Variants in CDK13 observed in about 807,000 individuals in gnomAD.
CDK13 encodes cyclin dependent kinase 13.
A neutral mutation model predicts 137.6 loss-of-function variants in CDK13; 40 were observed. The ratio of observed to expected loss-of-function variants is 0.29; its 90% CI spans 0.23 to 0.38. The LOEUF (loss-of-function observed/expected upper bound fraction) is 0.38. Among genes scored for constraint, CDK13 ranks in the 10% least tolerant of loss-of-function variants. The pLI is 1.00. For missense variants in CDK13, 1,704 were observed against 1,951.8 expected, an observed-to-expected ratio of 0.87 and a Z score of 2.39; for synonymous variants, 869 against 760.1, an observed-to-expected ratio of 1.14 and a Z score of -2.36.
At chr7:40,042,643 GT>G (rs975170221) in intron 5 of CDK13, among the ~76,000 whole-genome samples, 1 of 143,056 alleles carries the variant, frequency 7.0e-6, no homozygotes, top group Non-Finnish European at 1.5e-5. Context: ...ACATCCAGCT[GT>G]TTTTTTTGTA....
chr7:40,012,911 CA>C (rs61228761), intron 5 of CDK13, among the ~76,000 whole-genome samples: 54,426 of 120,454 alleles, frequency 0.45, 9,946 homozygotes, highest in Middle Eastern at 0.59. Context: ...GACTCTGTGT[CA>C]AAAAAAAAAA....
At chr7:40,056,559 T>C (rs1015618215) in intron 7 of CDK13, among the ~76,000 whole-genome samples, 1 of 152,204 alleles carries the variant, frequency 6.6e-6, no homozygotes, top group Non-Finnish European at 1.5e-5. Context: ...ATGGAAGCAA[T>C]GTGTACTATA....
rs1787025711 is a variant in CDK13 at position 40,095,353 on chromosome 7, C to T, written c.*373C>T. On this transcript the variant is annotated 3_prime_UTR_variant, in exon 14 of 14. Coordinates refer to ENST00000181839, the MANE Select transcript of CDK13 (RefSeq NM_003718.5). ...GGACCAACTTTTATGTAACAAACAG[C>T]CCCTCCCCACCTCCAGTTTTACAAC... 1.3e-5 allele frequency: 2 copies of T among 155,716 alleles called. No homozygotes were observed. Among genetic ancestry groups the T allele is most frequent in the African/African-American group, 2.4e-5 (1 of 41,580 alleles). The allele number at this position is 155,716 out of a possible 1,614,324, so 9.6% of individuals were successfully genotyped here. A position where few individuals can be genotyped will look rare whatever the true frequency, so the allele number is the denominator to read the frequency against.
At chr7:40,033,395 C>T (rs1013350146) in intron 5 of CDK13, among the ~76,000 whole-genome samples, 3 of 152,164 alleles carry the variant, frequency 2.0e-5, no homozygotes, top group African/African-American at 7.2e-5. Context: ...AGTATTTCTG[C>T]TATATCTGAG....
chr7:40,055,896 T>G (rs1019846772), intron 7 of CDK13, among the ~76,000 whole-genome samples: 1 of 152,172 alleles, frequency 6.6e-6, no homozygotes, highest in Non-Finnish European at 1.5e-5. Flanking sequence ...TTTCTTTTAT[T>G]TGTCTGTCTT....
chr7:40,060,600 T>C (rs986664763), intron 7 of CDK13, among the ~76,000 whole-genome samples: 1 of 152,146 alleles, frequency 6.6e-6, no homozygotes, highest in Non-Finnish European at 1.5e-5. Flanking sequence ...TTTTTTAACT[T>C]TCTGGGAAAA....
intron 1 of CDK13, among the ~76,000 whole-genome samples, chr7:39,968,136 T>C (rs1004551558): frequency 3.3e-5 from 5 of 152,260 alleles, no homozygotes; most frequent in Admixed American, 2.6e-4. Context: ...TGAATATTAA[T>C]GTGTTATCAG....
At chr7:39,953,026 T>C (rs1251580515) in intron 1 of CDK13, 1 of 152,194 alleles carries the variant, frequency 6.6e-6, no homozygotes, top group Non-Finnish European at 1.5e-5. Flanking sequence ...GTTTCAGTAA[T>C]GGCAAGTGGA....
chr7:40,026,944 A>G (rs1445069955), intron 5 of CDK13, among the ~76,000 whole-genome samples: 1 of 152,218 alleles, frequency 6.6e-6, no homozygotes, highest in Non-Finnish European at 1.5e-5. Context: ...CTGGTTAGGG[A>G]GATGATTCGC....
At chr7:40,064,565 A>C (rs1232903342) in intron 9 of CDK13, among the ~76,000 whole-genome samples, 1 of 152,086 alleles carries the variant, frequency 6.6e-6, no homozygotes, top group Non-Finnish European at 1.5e-5. Context: ...TGGTTAGGCA[A>C]GGTTTTTACT....
At chr7:39,983,265 A>G (rs1315600171) in intron 1 of CDK13, among the ~76,000 whole-genome samples, 2 of 152,122 alleles carry the variant, frequency 1.3e-5, no homozygotes, top group Admixed American at 6.6e-5. Flanking sequence ...AGCACCATTT[A>G]TTAAATAGGG....
At chr7:40,030,245 GTGTATATGTGTGTGTGTA>G (rs1446110513) in intron 5 of CDK13, among the ~76,000 whole-genome samples, 1 of 144,466 alleles carries the variant, frequency 6.9e-6, no homozygotes, top group Non-Finnish European at 1.5e-5. Context: ...GTGTGTGTGT[GTGTATATGTGTGTGTGTA>G]TATATATATA....
At chr7:39,956,123 C>A (rs1167126041) in intron 1 of CDK13, among the ~76,000 whole-genome samples, 1 of 151,990 alleles carries the variant, frequency 6.6e-6, no homozygotes, top group African/African-American at 2.4e-5. Flanking sequence ...AAATATGCCA[C>A]TGATTTAATA....
chr7:39,956,121 C>T (rs1183457387), intron 1 of CDK13, among the ~76,000 whole-genome samples: 1 of 151,512 alleles, frequency 6.6e-6, no homozygotes, highest in Non-Finnish European at 1.5e-5. Flanking sequence ...AAAAATATGC[C>T]ACTGATTTAA....
intron 5 of CDK13, among the ~76,000 whole-genome samples, chr7:40,042,923 G>A (rs1785645493): frequency 1.3e-5 from 2 of 152,016 alleles, no homozygotes; most frequent in East Asian, 1.9e-4. Context: ...AATTACAGGT[G>A]TGCACTACCA....
At chr7:39,967,344 A>G (rs1486031900) in intron 1 of CDK13, among the ~76,000 whole-genome samples, 1 of 152,088 alleles carries the variant, frequency 6.6e-6, no homozygotes, top group Non-Finnish European at 1.5e-5. Flanking sequence ...GGAGAATTGC[A>G]TGAGCCCTGG....
chr7:39,953,008 C>T (rs1328194649), intron 1 of CDK13: 1 of 152,106 alleles, frequency 6.6e-6, no homozygotes, highest in Admixed American at 6.6e-5. Flanking sequence ...ATCAGTTTTT[C>T]CTCCTGGGTT....
intron 5 of CDK13, among the ~76,000 whole-genome samples, chr7:40,013,594 C>G (rs995580697): frequency 2.0e-5 from 3 of 151,990 alleles, no homozygotes; most frequent in Non-Finnish European, 4.4e-5. Flanking sequence ...TGGTGATTGC[C>G]AGAGACATGG....
intron 5 of CDK13, among the ~76,000 whole-genome samples, chr7:40,044,644 T>C (rs1242088260): frequency 6.6e-6 from 1 of 151,480 alleles, no homozygotes. Context: ...AGTATTGATT[T>C]TTCTTTTTTT....
Sources: gnomAD v4.1 joint callset for allele counts (sites outside exome capture counted in the v4.1 genomes callset) on GRCh38, gnomAD v4.1.1 for gene constraint, MANE v1.5 for transcripts, NCBI Gene and HGNC (gene_info 2026-07-23, HGNC 2026-07-21) for gene names.